USP25: variants seen among roughly 807,000 people sequenced by gnomAD.
USP25 encodes ubiquitin carboxyl-terminal hydrolase 25.
In USP25, 85 loss-of-function variants were observed where a neutral mutation model predicts 158.5. The ratio of observed to expected loss-of-function variants is 0.54; its 90% CI spans 0.45 to 0.64. The LOEUF is 0.64. Ranked by LOEUF, USP25 falls within the 30% of genes least tolerant of loss-of-function variation. The pLI is 0.00. For synonymous variants in USP25, 464 were observed against 460.4 expected (o/e 1.01, Z -0.10); for missense variants, 1,242 against 1,327.3 (o/e 0.94, Z 1.00).
intron 5 of USP25, among the ~76,000 whole-genome samples, chr21:15,793,292 G>T (rs1416578114): frequency 6.6e-6 from 1 of 151,056 alleles, no homozygotes; most frequent in East Asian, 2.0e-4. Flanking sequence ...GTGTAGGGAA[G>T]TTCTGTTTGA....
chr21:15,832,067 C>T (rs1222795779), intron 16 of USP25, among the ~76,000 whole-genome samples: 2 of 152,136 alleles, frequency 1.3e-5, no homozygotes, highest in Non-Finnish European at 2.9e-5. Flanking sequence ...TTTGCATGTT[C>T]GTATATGTTT....
rs1255556270 is a variant in USP25, at chr21:15,849,998, A to G, written c.2547+126A>G. The G allele has an allele frequency of 3.7e-5, 24 of 642,972 alleles. No individual in the cohort carries two copies. In the South Asian group the frequency reaches 5.2e-4, roughly 14 times the overall value. 39.8% of individuals were successfully genotyped at this position (642,972 alleles called of 1,614,324 possible). A position where few individuals can be genotyped will look rare whatever the true frequency, so the allele number is the denominator to read the frequency against. On this transcript the variant is annotated intron_variant, in intron 20 of 25. Transcript: ENST00000400183. The stretch of plus-strand genomic sequence containing the variant: ...CTCTTTTCCTATCTTAGTTATGGCC[A>G]CCGGATATCCTAGGGTTTTATTTTA...
intron 10 of USP25, among the ~76,000 whole-genome samples, chr21:15,822,062 T>C (rs2037262450): frequency 6.6e-6 from 1 of 151,958 alleles, no homozygotes; most frequent in Non-Finnish European, 1.5e-5. Context: ...GAATGACCTC[T>C]GTCTCACAAG....
chr21:15,730,218 C>A lies in USP25; in HGVS notation c.-176C>A. The stretch of plus-strand genomic sequence containing the variant: ...TCACAGTCGGCGTTTCGCCGCCTGC[C>A]CGCGGTGCCCGCGCACGCCGGCCGC... On this transcript the variant is annotated 5_prime_UTR_variant, in exon 1 of 26. Transcript: ENST00000400183. 1 of 644,356 alleles carries A rather than the reference C, an allele frequency of 1.6e-6. No homozygotes were observed. The highest frequency in any genetic ancestry group is 1.9e-6 in the Non-Finnish European group (1 of 519,800). The allele number at this position is 644,356 out of a possible 1,614,324, so 39.9% of individuals were successfully genotyped here.
rs1423925633 is a variant in USP25 at position 15,730,335 on chromosome 21, G to C, written c.-59G>C. 6 of 1,092,926 alleles carry C rather than the reference G, an allele frequency of 5.5e-6. No homozygotes were observed. The highest frequency in any genetic ancestry group is 6.7e-6 in the Non-Finnish European group (6 of 900,628). 67.7% of individuals were successfully genotyped at this position (1,092,926 alleles called of 1,614,324 possible). Reference sequence around the variant, plus strand: ...TCGGCGGAGCGCGGCAGCCAGGGCCGGCGGAGGCGCGAGGAGCCGGGCGCC... The same window carrying C: ...TCGGCGGAGCGCGGCAGCCAGGGCCCGCGGAGGCGCGAGGAGCCGGGCGCC... On this transcript the variant is annotated 5_prime_UTR_variant, in exon 1 of 26. Coordinates refer to ENST00000400183, the MANE Select transcript of USP25 (RefSeq NM_001283041.3).
At chr21:15,866,216 TATATACACACAC>T in intron 21 of USP25, 38 bp from the exon 22 acceptor site, 1 of 1,151,450 alleles carries the variant, frequency 8.7e-7, no homozygotes, top group Non-Finnish European at 1.2e-6. Context: ...TATATATATA[TATATACACACAC>T]ATACACACAC....
intron 4 of USP25, among the ~76,000 whole-genome samples, chr21:15,785,140 A>G (rs911497204): frequency 1.3e-5 from 2 of 152,226 alleles, no homozygotes; most frequent in African/African-American, 4.8e-5. Context: ...CTTTAAGTCA[A>G]AAACTGTAAA....
At chr21:15,758,196 A>G (rs2033508661) in intron 1 of USP25, among the ~76,000 whole-genome samples, 1 of 152,184 alleles carries the variant, frequency 6.6e-6, no homozygotes, top group African/African-American at 2.4e-5. Context: ...TCTGTACATT[A>G]AAGTTTGAGA....
chr21:15,830,784 CT>C (rs895811394), intron 15 of USP25, among the ~76,000 whole-genome samples, 183 bp downstream of exon 15: 1 of 152,014 alleles, frequency 6.6e-6, no homozygotes, highest in African/African-American at 2.4e-5. Flanking sequence ...AATGGGGAAA[CT>C]TTTATAACAA....
At chr21:15,878,230 T>C in intron 25 of USP25, 73 bp from the exon 26 acceptor site, 1 of 1,535,054 alleles carries the variant, frequency 6.5e-7, no homozygotes, top group Non-Finnish European at 8.8e-7. Context: ...TAAGTTAATA[T>C]TAGTAAATCA....
rs755769050 is a variant in USP25, at chr21:15,783,792, C to T, written c.392+5765C>T. Among the ~76,000 whole-genome samples, 202 of 126,718 alleles carry T rather than the reference C, an allele frequency of 1.6e-3. 1 individual carries two copies. Among genetic ancestry groups the T allele is most frequent in the Non-Finnish European group, 1.6e-3 (103 of 63,440 alleles). The allele number at this position is 126,718 out of a possible 152,430, so 83.1% of individuals were successfully genotyped here. A position where few individuals can be genotyped will look rare whatever the true frequency, so the allele number is the denominator to read the frequency against. On this transcript the variant is annotated intron_variant, in intron 4 of 25. Transcript: ENST00000400183. ...TTAACATGGTGAAACCCCGTCTGTA[C>T]TAAAAAAAAAAAAAAAAAATACAAA...
At chr21:15,873,256 A>G (rs1431229805) in intron 23 of USP25, among the ~76,000 whole-genome samples, 4 of 151,064 alleles carry the variant, frequency 2.6e-5, no homozygotes, top group Admixed American at 2.6e-4. Flanking sequence ...TACTACAGGC[A>G]TGTACCACGA....
chr21:15,793,091 G>C (rs1193460002), intron 5 of USP25, among the ~76,000 whole-genome samples: 1 of 151,516 alleles, frequency 6.6e-6, no homozygotes, highest in Non-Finnish European at 1.5e-5. Context: ...ATAGTTTTAA[G>C]GCTCTGAACT....
rs772443576 is a variant in USP25 at position 15,847,749 on chromosome 21, A to C, written c.2424A>C (p.Glu808Asp). ...AIPHVGKFMIESKEGGYDDEI... is the reference protein window; with the variant it reads ...AIPHVGKFMIDSKEGGYDDEI... Reference sequence around the variant, plus strand: ...CTCATGTAGGGAAATTTATGATTGAATCAAAGGAGGGGGGGTATGATGACG... The same window carrying C: ...CTCATGTAGGGAAATTTATGATTGACTCAAAGGAGGGGGGGTATGATGACG... Residue 808 changes from glutamate to aspartate, a missense_variant, in exon 19 of 26, where the codon GAA (glutamate) becomes GAC (aspartate). Physicochemically the swap from Glu to Asp is conservative, Grantham distance 45 (BLOSUM62 2). Transcript: ENST00000400183. The C allele has an allele frequency of 1.9e-6, 3 of 1,549,936 alleles. No homozygotes were observed. The highest frequency in any genetic ancestry group is 2.6e-6 in the Non-Finnish European group (3 of 1,146,406).
chr21:15,825,164 G>T (rs1473328486), intron 12 of USP25, 103 bp downstream of exon 12: 6 of 804,972 alleles, frequency 7.5e-6, no homozygotes, highest in Non-Finnish European at 1.2e-5. Flanking sequence ...ATAATTTTAG[G>T]AGTAGTTAAT....
intron 23 of USP25, among the ~76,000 whole-genome samples, chr21:15,872,703 TA>T (rs2039944286): frequency 6.6e-6 from 1 of 152,206 alleles, no homozygotes; most frequent in African/African-American, 2.4e-5. Context: ...AAAAAATGTA[TA>T]AAATAGACCT....
intron 1 of USP25, among the ~76,000 whole-genome samples, chr21:15,750,641 C>G (rs1159657279): frequency 3.3e-5 from 5 of 151,716 alleles, no homozygotes; most frequent in Non-Finnish European, 5.9e-5. Flanking sequence ...GAGTCTCGCT[C>G]TGTCGCCTAG....
chr21:15,818,123 A>G (rs977656299), intron 9 of USP25, among the ~76,000 whole-genome samples: 6 of 152,090 alleles, frequency 3.9e-5, no homozygotes, highest in African/African-American at 1.2e-4. Context: ...GCACTCTGGC[A>G]TGGCTAACTC....
intron 9 of USP25, 23 bp from the exon 10 acceptor site, chr21:15,818,675 A>C: frequency 6.3e-7 from 1 of 1,594,648 alleles, no homozygotes; most frequent in Non-Finnish European, 8.6e-7. Context: ...ATTGAGTATT[A>C]TTAATTTTCT....
Sources: allele counts gnomAD v4.1 joint callset (sites outside exome capture counted in the v4.1 genomes callset), GRCh38; gene constraint gnomAD v4.1.1; transcripts MANE v1.5; gene names NCBI Gene and HGNC (gene_info 2026-07-23, HGNC 2026-07-21).